The following PDE9A variants were observed in gnomAD, a reference collection of about 807,000 sequenced individuals.
PDE9A encodes the protein high affinity cGMP-specific 3',5'-cyclic phosphodiesterase 9A.
In PDE9A, 60 loss-of-function variants were observed where a neutral mutation model predicts 87.4. The ratio of observed to expected loss-of-function variants is 0.69; its 90% CI spans 0.56 to 0.85. The LOEUF (loss-of-function observed/expected upper bound fraction) is 0.85. Ranked by LOEUF, PDE9A falls within the 40% of genes least tolerant of loss-of-function variation. PDE9A has a pLI of 0.00. For missense variants in PDE9A, 665 were observed against 779.0 expected (o/e 0.85, Z 1.74); for synonymous variants, 272 against 279.4 (o/e 0.97, Z 0.27).
At chr21:42,767,109 GC>G in intron 15 of PDE9A, among the ~76,000 whole-genome samples, 1 of 151,992 alleles carries the variant, frequency 6.6e-6, no homozygotes, top group East Asian at 1.9e-4. Context: ...CTGCTACGGA[GC>G]CCCAGACGGG....
chr21:42,672,309 C>T (rs2058608502), intron 1 of PDE9A, among the ~76,000 whole-genome samples: 1 of 152,230 alleles, frequency 6.6e-6, no homozygotes, highest in Non-Finnish European at 1.5e-5. Context: ...GCTCTTCTCT[C>T]TCTTGTCTGT....
At chr21:42,769,406 C>T (rs111167027) in intron 17 of PDE9A, among the ~76,000 whole-genome samples, 58 of 145,374 alleles carry the variant, frequency 4.0e-4, no homozygotes, top group African/African-American at 1.3e-3. Context: ...TGCACACACA[C>T]GGCACACACA....
intron 14 of PDE9A, among the ~76,000 whole-genome samples, chr21:42,764,026 G>C (rs1393872441): frequency 6.6e-6 from 1 of 152,260 alleles, no homozygotes; most frequent in Non-Finnish European, 1.5e-5. Flanking sequence ...GAACCAGGCT[G>C]TGGTTCATTG....
chr21:42,750,181 C>T (rs1011463162), intron 8 of PDE9A, among the ~76,000 whole-genome samples: 3 of 151,982 alleles, frequency 2.0e-5, no homozygotes, highest in African/African-American at 4.8e-5. Flanking sequence ...TACAAAGGGG[C>T]GGGGTGCAGT....
chr21:42,690,734 CCTT>C (rs1569154448), intron 3 of PDE9A, among the ~76,000 whole-genome samples: 1 of 152,066 alleles, frequency 6.6e-6, no homozygotes, highest in Non-Finnish European at 1.5e-5. Context: ...TGGTAAGACA[CCTT>C]CTTCTCCATG....
intron 3 of PDE9A, among the ~76,000 whole-genome samples, chr21:42,691,699 A>C (rs968525983): frequency 2.0e-5 from 3 of 150,986 alleles, no homozygotes; most frequent in African/African-American, 7.3e-5. Context: ...ATCACTATCC[A>C]AAGTCACCAG....
At chr21:42,686,756 A>AGT (rs2059498687) in intron 2 of PDE9A, among the ~76,000 whole-genome samples, 1 of 152,176 alleles carries the variant, frequency 6.6e-6, no homozygotes, top group South Asian at 2.1e-4. Context: ...CAGAGGTTGT[A>AGT]GTGAGCTGAG....
At position 42,753,984 on chromosome 21, in the gene PDE9A, T is replaced by C; in HGVS notation, c.736-6T>C. The C allele has an allele frequency of 6.2e-7, 1 of 1,604,578 alleles. No individual in the cohort carries two copies. On this transcript the variant is annotated splice_polypyrimidine_tract_variant and splice_region_variant and intron_variant, in intron 9 of 19. Transcript: ENST00000291539. Reference sequence around the variant, plus strand: ...CTGGTTAACACGGAACTCCTGTCCTTTCTAGTACCTGCTCTCTCCAGAGAC... The same window carrying C: ...CTGGTTAACACGGAACTCCTGTCCTCTCTAGTACCTGCTCTCTCCAGAGAC...
intron 14 of PDE9A, among the ~76,000 whole-genome samples, chr21:42,763,801 C>T (rs2056076260): frequency 6.6e-6 from 1 of 152,216 alleles, no homozygotes; most frequent in South Asian, 2.1e-4. Context: ...GCTGCTGAGC[C>T]TCCCTTTATC....
rs1212714326 is a variant in PDE9A at position 42,769,223 on chromosome 21, A to G, written c.1590+68A>G. ...TACATGCATGCACACACAGGCACAC[A>G]CACATATACACATATGCACACAGGT... On this transcript the variant is annotated intron_variant, in intron 17 of 19. Coordinates refer to ENST00000291539, the MANE Select transcript of PDE9A (RefSeq NM_002606.3). 3 of 1,376,240 alleles carry G rather than the reference A, an allele frequency of 2.2e-6. No individual in the cohort carries two copies. In the African/African-American group the frequency reaches 4.3e-5, roughly 20 times the overall value. The allele number at this position is 1,376,240 out of a possible 1,614,324, so 85.3% of individuals were successfully genotyped here.
intron 8 of PDE9A, among the ~76,000 whole-genome samples, chr21:42,744,838 A>C (rs541973405): frequency 1.3e-5 from 2 of 152,366 alleles, no homozygotes; most frequent in East Asian, 3.9e-4. Flanking sequence ...TGATGAGCAG[A>C]GCGCATGCAT....
At chr21:42,728,045 T>G (rs536062311) in intron 4 of PDE9A, among the ~76,000 whole-genome samples, 36 of 152,306 alleles carry the variant, frequency 2.4e-4, no homozygotes, top group African/African-American at 8.2e-4. Flanking sequence ...TATCCATATA[T>G]CCAACCAACC....
intron 1 of PDE9A, among the ~76,000 whole-genome samples, chr21:42,657,686 G>C (rs2057185112): frequency 6.6e-6 from 1 of 152,232 alleles, no homozygotes. Flanking sequence ...TCGGGGAAGA[G>C]AGAGGCCTTT....
chr21:42,687,992 A>G lies in PDE9A; in HGVS notation c.216A>G (p.Glu72=). The change falls in exon 3 of 20, where the codon GAA becomes GAG. Residue 72 remains glutamate, a splice_region_variant and synonymous_variant. Coordinates refer to ENST00000291539, the MANE Select transcript of PDE9A (RefSeq NM_002606.3). The part of the protein sequence containing the change: ...SIDPTMPANS[E]RTPYKVRPVA... Reference sequence around the variant, plus strand: ...ACCCCACCATGCCCGCGAATTCAGAACGGTAAGAGGCTCCGGCCGCGCTCC... The same window carrying G: ...ACCCCACCATGCCCGCGAATTCAGAGCGGTAAGAGGCTCCGGCCGCGCTCC... 3 of 1,612,096 alleles carry G rather than the reference A, an allele frequency of 1.9e-6. No individual in the cohort carries two copies. Among genetic ancestry groups the G allele is most frequent in the Non-Finnish European group, 2.5e-6 (3 of 1,179,608 alleles).
intron 8 of PDE9A, among the ~76,000 whole-genome samples, chr21:42,749,769 G>T (rs1004885068): frequency 6.6e-6 from 1 of 152,210 alleles, no homozygotes; most frequent in Non-Finnish European, 1.5e-5. Flanking sequence ...GAGCAACTTG[G>T]GATGAGTTCA....
chr21:42,689,476 A>G (rs894932098), intron 3 of PDE9A: 4 of 927,128 alleles, frequency 4.3e-6, no homozygotes, highest in African/African-American at 3.6e-5. Flanking sequence ...AAAGTCACTG[A>G]GTGACCTGTC....
At chr21:42,672,903 A>G (rs570331468) in intron 1 of PDE9A, among the ~76,000 whole-genome samples, 1 of 152,166 alleles carries the variant, frequency 6.6e-6, no homozygotes, top group Non-Finnish European at 1.5e-5. Context: ...CTTTTGTCCC[A>G]TACTCTATTG....
At chr21:42,735,318 C>A (rs1278654725) in intron 7 of PDE9A, among the ~76,000 whole-genome samples, 3 of 152,234 alleles carry the variant, frequency 2.0e-5, no homozygotes. Context: ...GGTTCAAAAT[C>A]TAGACAGAGC....
chr21:42,674,610 C>G (rs2058746077), intron 1 of PDE9A, among the ~76,000 whole-genome samples: 1 of 152,294 alleles, frequency 6.6e-6, no homozygotes. Flanking sequence ...GGGGCCCCGC[C>G]TTGTCCTCCA....
Sources: gnomAD v4.1 joint callset for allele counts (sites outside exome capture counted in the v4.1 genomes callset) on GRCh38, gnomAD v4.1.1 for gene constraint, MANE v1.5 for transcripts, NCBI Gene and HGNC (gene_info 2026-07-23, HGNC 2026-07-21) for gene names.